The following MAF variants were observed in gnomAD, a reference collection of about 807,000 sequenced individuals.
MAF encodes the protein transcription factor Maf.
Under a neutral mutation model 22.0 loss-of-function variants are expected in MAF, and 10 were observed. That is an observed-to-expected ratio of 0.45 (90% CI 0.28 to 0.77). The LOEUF (loss-of-function observed/expected upper bound fraction) is 0.77, where lower values mean the gene tolerates loss of function less well. Ranked by LOEUF, MAF falls within the 30% of genes least tolerant of loss-of-function variation. MAF has a pLI of 0.12. For synonymous variants in MAF, 337 were observed against 255.8 expected, an observed-to-expected ratio of 1.32 and a Z score of -3.03; for missense variants, 544 against 548.4, an observed-to-expected ratio of 0.99 and a Z score of 0.08.
At chr16:79,235,292 T>C in the MAF span, among the ~76,000 whole-genome samples, 4 of 151,788 alleles carry the variant, frequency 2.6e-5, no homozygotes, top group African/African-American at 9.7e-5. Flanking sequence ...AAGTCACACA[T>C]AGTGAATAAA....
chr16:79,322,898 C>T, the MAF span, among the ~76,000 whole-genome samples: 2 of 152,006 alleles, frequency 1.3e-5, no homozygotes, highest in South Asian at 4.2e-4. Context: ...CGCCTGTAAT[C>T]CCAGCACTTT....
chr16:79,515,733 T>C, the MAF span, among the ~76,000 whole-genome samples: 25 of 152,132 alleles, frequency 1.6e-4, no homozygotes, highest in Non-Finnish European at 4.4e-5. Flanking sequence ...ACGTGAGACC[T>C]GCCTTGACCA....
chr16:79,319,443 T>G, the MAF span, among the ~76,000 whole-genome samples: 2 of 152,218 alleles, frequency 1.3e-5, no homozygotes, highest in African/African-American at 2.4e-5. Flanking sequence ...AACCGGATAT[T>G]AGCTAGTGGA....
At chr16:79,566,740 A>G in the MAF span, among the ~76,000 whole-genome samples, 81 of 152,240 alleles carry the variant, frequency 5.3e-4, 2 homozygotes, top group Middle Eastern at 3.4e-3. Context: ...TGAGATGTGC[A>G]GGGCCCTAAG....
At chr16:79,280,566 T>C in the MAF span, among the ~76,000 whole-genome samples, 1 of 152,194 alleles carries the variant, frequency 6.6e-6, no homozygotes, top group African/African-American at 2.4e-5. Context: ...TATGTGTCTT[T>C]TGAGTTTCCT....
chr16:79,239,556 T>C, the MAF span, among the ~76,000 whole-genome samples: 1 of 152,046 alleles, frequency 6.6e-6, no homozygotes, highest in Non-Finnish European at 1.5e-5. Flanking sequence ...GATGGCCAGA[T>C]TAACCATCAC....
At chr16:79,239,714 A>G in the MAF span, among the ~76,000 whole-genome samples, 10,987 of 151,994 alleles carry the variant, frequency 0.072, 586 homozygotes, top group Middle Eastern at 0.15. Context: ...GTGAGGGCCA[A>G]AGCCTTCTCT....
intron 1 of MAF, among the ~76,000 whole-genome samples, chr16:79,586,989 G>A (rs1424457905): frequency 6.6e-6 from 1 of 152,182 alleles, no homozygotes; most frequent in Non-Finnish European, 1.5e-5. Flanking sequence ...GAACAAATAT[G>A]AGCTATGCTC....
chr16:79,522,841 T>G, the MAF span, among the ~76,000 whole-genome samples: 5 of 152,290 alleles, frequency 3.3e-5, no homozygotes, highest in Non-Finnish European at 4.4e-5. Flanking sequence ...TGCTCGGAGC[T>G]CCTTGGAGAA....
chr16:79,446,190 C>T, the MAF span, among the ~76,000 whole-genome samples: 4 of 152,172 alleles, frequency 2.6e-5, no homozygotes, highest in Non-Finnish European at 5.9e-5. Flanking sequence ...AGGATATTTG[C>T]TAAGCTATGC....
At chr16:79,223,967 T>C in the MAF span, among the ~76,000 whole-genome samples, 1 of 152,256 alleles carries the variant, frequency 6.6e-6, no homozygotes, top group East Asian at 1.9e-4. Flanking sequence ...CTGAAACTAT[T>C]GCAAACAATA....
the MAF span, among the ~76,000 whole-genome samples, chr16:79,557,766 A>G: frequency 1.3e-5 from 2 of 152,048 alleles, no homozygotes; most frequent in Non-Finnish European, 1.5e-5. Context: ...TTAAGTGCCT[A>G]CTGTATGCTG....
chr16:79,240,419 C>A, the MAF span, among the ~76,000 whole-genome samples: 2 of 141,342 alleles, frequency 1.4e-5, no homozygotes, highest in Non-Finnish European at 3.1e-5. Context: ...CTCTAGCCAA[C>A]ATCATCTTCC....
At chr16:79,392,145 G>A in the MAF span, among the ~76,000 whole-genome samples, 2 of 148,626 alleles carry the variant, frequency 1.3e-5, no homozygotes, top group Non-Finnish European at 3.0e-5. Flanking sequence ...CTGGGGAGGG[G>A]GAGAGAGAGT....
At chr16:79,239,097 T>C in the MAF span, among the ~76,000 whole-genome samples, 2 of 152,186 alleles carry the variant, frequency 1.3e-5, no homozygotes, top group East Asian at 1.9e-4. Context: ...CAAGGATTTG[T>C]CCATAGTCAC....
At chr16:79,355,546 C>G in the MAF span, among the ~76,000 whole-genome samples, 1 of 152,196 alleles carries the variant, frequency 6.6e-6, no homozygotes, top group East Asian at 1.9e-4. Flanking sequence ...TTGCTCTGGC[C>G]TCCCTGAGCC....
At chr16:79,407,899 G>A in the MAF span, among the ~76,000 whole-genome samples, 4 of 151,978 alleles carry the variant, frequency 2.6e-5, no homozygotes, top group South Asian at 8.3e-4. Context: ...CTTACAATTT[G>A]CAGCTGACAG....
At chr16:79,445,018 T>A in the MAF span, among the ~76,000 whole-genome samples, 1 of 152,112 alleles carries the variant, frequency 6.6e-6, no homozygotes, top group Non-Finnish European at 1.5e-5. Context: ...TTGAAACACA[T>A]AAAGATTTAT....
At chr16:79,261,444 C>A in the MAF span, among the ~76,000 whole-genome samples, 3 of 152,236 alleles carry the variant, frequency 2.0e-5, no homozygotes, top group Non-Finnish European at 4.4e-5. Context: ...TGAGCCACCA[C>A]GCCTGGCTGG....
Sources: gnomAD v4.1 joint callset for allele counts (sites outside exome capture counted in the v4.1 genomes callset) on GRCh38, gnomAD v4.1.1 for gene constraint, MANE v1.5 for transcripts, NCBI Gene and HGNC (gene_info 2026-07-23, HGNC 2026-07-21) for gene names.